Variants in ANKRD29 observed in about 807,000 individuals in gnomAD.
ANKRD29 encodes ankyrin repeat domain-containing protein 29.
Under a neutral mutation model 38.0 loss-of-function variants are expected in ANKRD29, and 32 were observed. The ratio of observed to expected loss-of-function variants is 0.84; its 90% CI spans 0.64 to 1.13. The LOEUF is 1.13. Ranked by LOEUF, ANKRD29 falls within the 50% of genes most tolerant of loss-of-function variation. The pLI is 0.00. For missense variants in ANKRD29, 357 were observed against 377.9 expected (o/e 0.94, Z 0.46); for synonymous variants, 135 against 152.4 (o/e 0.89, Z 0.84).
At chr18:23,612,539 G>A (rs916742245) in intron 8 of ANKRD29, among the ~76,000 whole-genome samples, 14 of 152,180 alleles carry the variant, frequency 9.2e-5, no homozygotes, top group African/African-American at 3.4e-4. Context: ...AGGACAACAC[G>A]TAAGGACAAC....
Position 23,662,900 on chromosome 18 carries a change from A to C in ANKRD29, c.-170T>G, listed in dbSNP as rs2060387823. On this transcript the variant is annotated 5_prime_UTR_variant, in exon 1 of 10. Transcript: ENST00000592179. ...AGCCGCCGCACACAGGGCCGGGCCG[A>C]AGGGGCGGCGCGGGGGCGCGCGCGC... is the stretch of plus-strand genomic sequence containing the variant. 6.9e-6 allele frequency: 3 copies of C among 432,372 alleles called. No homozygotes were observed. The highest frequency in any genetic ancestry group is 9.3e-6 in the Non-Finnish European group (3 of 323,738). 26.8% of individuals were successfully genotyped at this position (432,372 alleles called of 1,614,324 possible).
rs767963103 is a variant in ANKRD29, at chr18:23,619,633, C to A, written c.529-4G>T. On this transcript the variant is annotated splice_polypyrimidine_tract_variant and splice_region_variant and intron_variant, in intron 6 of 9. Coordinates refer to ENST00000592179, the MANE Select transcript of ANKRD29 (RefSeq NM_173505.4). ...TCCACAGGGGCGCTGTCCCGTCCTG[C>A]GGGAAGAGGAGGCGGCGGCCGCCGT... 3 of 1,558,314 alleles carry A rather than the reference C, an allele frequency of 1.9e-6. No individual in the cohort carries two copies. The highest frequency in any genetic ancestry group is 2.0e-5 in the Admixed American group (1 of 51,128).
chr18:23,610,430 A>C lies in ANKRD29; in HGVS notation c.822+1662T>G, dbSNP rs907844378. ...GAGGTGGAGGTTGCAGTGAGCTGAGATCGTGCCACTGCACTCCAGCCTGTC... is the reference window on the plus strand; with the variant it reads ...GAGGTGGAGGTTGCAGTGAGCTGAGCTCGTGCCACTGCACTCCAGCCTGTC... On this transcript the variant is annotated intron_variant, in intron 9 of 9. Coordinates refer to ENST00000592179, the MANE Select transcript of ANKRD29 (RefSeq NM_173505.4). Among the ~76,000 whole-genome samples the C allele has an allele frequency of 3.3e-5, 5 of 152,198 alleles. No homozygotes were observed. In the East Asian group the frequency reaches 7.7e-4, roughly 23 times the overall value.
intron 1 of ANKRD29, among the ~76,000 whole-genome samples, chr18:23,652,616 G>A (rs1381862995): frequency 6.6e-6 from 1 of 152,192 alleles, no homozygotes; most frequent in Non-Finnish European, 1.5e-5. Flanking sequence ...AAATGGTGTG[G>A]CGAGAGATGG....
intron 5 of ANKRD29, among the ~76,000 whole-genome samples, chr18:23,632,286 C>A (rs969236286): frequency 6.6e-6 from 1 of 151,790 alleles, no homozygotes; most frequent in Non-Finnish European, 1.5e-5. Flanking sequence ...AGATGAACTA[C>A]CCATGCATTG....
chr18:23,644,709 T>G (rs913200167), intron 3 of ANKRD29, among the ~76,000 whole-genome samples: 6 of 152,196 alleles, frequency 3.9e-5, no homozygotes, highest in Admixed American at 3.9e-4. Context: ...CATCTGGATG[T>G]GTCTTGGAAC....
intron 4 of ANKRD29, among the ~76,000 whole-genome samples, chr18:23,635,303 A>C (rs936929401): frequency 2.6e-5 from 4 of 152,148 alleles, no homozygotes; most frequent in Non-Finnish European, 5.9e-5. Context: ...AAAAAAAAAA[A>C]AAAACCCAAC....
rs77794214 is a variant in ANKRD29, at chr18:23,636,225, C to T, written c.331-2076G>A. Among the ~76,000 whole-genome samples the T allele has an allele frequency of 1.7e-3, 259 of 152,164 alleles. 2 individuals carry two copies. The East Asian group carries it at 0.043, about 25-fold the overall frequency. ...AATCATGGCTCACTGCAGCCTTGAACTTTGGGCTCAAGCGATCTTCCTGCC... is the reference window on the plus strand; with the variant it reads ...AATCATGGCTCACTGCAGCCTTGAATTTTGGGCTCAAGCGATCTTCCTGCC... On this transcript the variant is annotated intron_variant, in intron 4 of 9. Coordinates refer to ENST00000592179, the MANE Select transcript of ANKRD29 (RefSeq NM_173505.4).
chr18:23,649,860 GC>G (rs1422052532), intron 1 of ANKRD29, among the ~76,000 whole-genome samples: 7 of 152,170 alleles, frequency 4.6e-5, no homozygotes. Context: ...CTTCTGAGTA[GC>G]TGGGACTACA....
chr18:23,619,780 C>T (rs2059773402), intron 6 of ANKRD29, 151 bp from the exon 7 acceptor site: 1 of 605,844 alleles, frequency 1.7e-6, no homozygotes, highest in South Asian at 2.2e-5. Flanking sequence ...CCACACCGCC[C>T]AGGAGGCAGT....
intron 9 of ANKRD29, among the ~76,000 whole-genome samples, chr18:23,602,526 G>A (rs1215113884): frequency 6.6e-6 from 1 of 152,188 alleles, no homozygotes; most frequent in Non-Finnish European, 1.5e-5. Context: ...GACAACAGGT[G>A]TGATGTGGAA....
chr18:23,615,346 G>A (rs983735012), intron 8 of ANKRD29, among the ~76,000 whole-genome samples: 15 of 152,012 alleles, frequency 9.9e-5, no homozygotes, highest in African/African-American at 3.6e-4. Flanking sequence ...AAGATTAAAA[G>A]ACGAAAAATA....
chr18:23,603,482 A>G (rs920874524), intron 9 of ANKRD29, among the ~76,000 whole-genome samples: 3 of 152,048 alleles, frequency 2.0e-5, no homozygotes, highest in African/African-American at 7.2e-5. Flanking sequence ...AAAATACAAA[A>G]ATTAGCTGGG....
At chr18:23,648,369 A>G (rs2060166821) in intron 2 of ANKRD29, 1 of 152,342 alleles carries the variant, frequency 6.6e-6, no homozygotes. Context: ...TTTGTACAAT[A>G]AAAGCTGGAA....
rs9962122 is a variant in ANKRD29 at position 23,600,776 on chromosome 18, A to C, written c.*450T>G. On this transcript the variant is annotated 3_prime_UTR_variant, in exon 10 of 10. Transcript: ENST00000592179. ...TACATATGTAGGTAAAATATGATAG[A>C]TCTATATATTTTAGCACATCTACAT... 0.01 allele frequency: 1,567 copies of C among 155,386 alleles called. 22 individuals carry two copies. The highest frequency in any genetic ancestry group is 0.036 in the African/African-American group (1,494 of 41,576). The allele number at this position is 155,386 out of a possible 1,614,324, so 9.6% of individuals were successfully genotyped here. A position where few individuals can be genotyped will look rare whatever the true frequency, so the allele number is the denominator to read the frequency against.
rs2059958125 is a variant in ANKRD29, at chr18:23,633,386, G to A, written c.429+665C>T. Among the ~76,000 whole-genome samples, 3 of 152,156 alleles carry A rather than the reference G, an allele frequency of 2.0e-5. 1 individual carries two copies. The highest frequency in any genetic ancestry group is 3.4e-3 in the Middle Eastern group (1 of 294). The stretch of plus-strand genomic sequence containing the variant: ...CAGTATATTTTTATATCCAATGAGC[G>A]CATTTAGAAAAATTTTGTATATTTT... On this transcript the variant is annotated intron_variant, in intron 5 of 9. Coordinates refer to ENST00000592179, the MANE Select transcript of ANKRD29 (RefSeq NM_173505.4).
In ANKRD29 at chr18:23,639,214, G is replaced by A. The variant is rs369981351; in HGVS notation, c.232-267C>T. Among the ~76,000 whole-genome samples, 34 of 152,274 alleles carry A rather than the reference G, an allele frequency of 2.2e-4. No individual in the cohort carries two copies. The South Asian group carries it at 6.8e-3, about 31-fold the overall frequency. On this transcript the variant is annotated intron_variant, in intron 3 of 9. Coordinates refer to ENST00000592179, the MANE Select transcript of ANKRD29 (RefSeq NM_173505.4). ...GTGAATATTACCTTCTATGGCAAAA[G>A]ACGTGATTAAGTTAAGGATTTTGAG...
Position 23,619,574 on chromosome 18 carries a change from C to G in ANKRD29, c.584G>C (p.Arg195Pro). The G allele has an allele frequency of 1.3e-6, 2 of 1,597,766 alleles. No homozygotes were observed. The highest frequency in any genetic ancestry group is 1.7e-6 in the Non-Finnish European group (2 of 1,179,090). ...ASQMGHSEVV[R>P]VMLLRGADRD... ...GTCGGCTCCGCGCAGCAGCATCACC[C>G]GCACCACCTCGCTGTGGCCCATCTG... Residue 195 changes from arginine to proline, a missense_variant, in exon 7 of 10, where the codon CGG (arginine) becomes CCG (proline). Arg to Pro is a moderately radical substitution (Grantham distance 103). Transcript: ENST00000592179.
intron 1 of ANKRD29, among the ~76,000 whole-genome samples, chr18:23,660,969 G>A (rs187785197): frequency 6.6e-5 from 10 of 152,272 alleles, no homozygotes; most frequent in Non-Finnish European, 8.8e-5. Context: ...TGCCTATTCC[G>A]TCACTAAATC....
Sources: gnomAD v4.1 joint callset for allele counts (sites outside exome capture counted in the v4.1 genomes callset) on GRCh38, gnomAD v4.1.1 for gene constraint, MANE v1.5 for transcripts, NCBI Gene and HGNC (gene_info 2026-07-23, HGNC 2026-07-21) for gene names.